MAP3K15: variants seen among roughly 807,000 people sequenced by gnomAD.
MAP3K15 encodes mitogen-activated protein kinase kinase kinase 15.
Under a neutral mutation model 99.5 loss-of-function variants are expected in MAP3K15, and 124 were observed. The ratio of observed to expected loss-of-function variants is 1.25; its 90% CI spans 1.08 to 1.45. The LOEUF is 1.45. MAP3K15 is among the 40% of genes most tolerant of loss of function. MAP3K15 has a pLI of 0.00. For missense variants in MAP3K15, 1,242 were observed against 1,079.7 expected (o/e 1.15, Z -2.11); for synonymous variants, 494 against 439.6 (o/e 1.12, Z -1.55).
chrX:19,374,954 G>A (rs190739172), intron 19 of MAP3K15, among the ~76,000 whole-genome samples: 5 of 111,040 alleles, frequency 4.5e-5, no homozygotes, highest in East Asian at 2.9e-4. Flanking sequence ...TTAAAGCCCC[G>A]AGACCACCAT....
intron 27 of MAP3K15, 23 bp downstream of exon 27, chrX:19,361,470 G>T: frequency 1.7e-6 from 2 of 1,196,830 alleles, no homozygotes; most frequent in Non-Finnish European, 2.3e-6. Context: ...AACAGCATAA[G>T]AATTTCTTTG....
chrX:19,362,230 C>CTT (rs1159241316), intron 26 of MAP3K15, among the ~76,000 whole-genome samples: 2,321 of 75,599 alleles, frequency 0.031, 141 homozygotes, highest in African/African-American at 0.1. Flanking sequence ...CCTTTTGAAT[C>CTT]TTTTTTTTTT....
chrX:19,481,503 A>T (rs1400455264), intron 3 of MAP3K15, among the ~76,000 whole-genome samples: 1 of 111,857 alleles, frequency 8.9e-6, no homozygotes, highest in African/African-American at 3.3e-5. Context: ...CAAAAGCACG[A>T]TCCATAAAAG....
At chrX:19,493,230 A>G (rs1339815931) in intron 1 of MAP3K15, among the ~76,000 whole-genome samples, 1 of 108,920 alleles carries the variant, frequency 9.2e-6, no homozygotes, top group Non-Finnish European at 1.9e-5. Flanking sequence ...ATCAAGTGAC[A>G]TGAAGTCCTC....
intron 3 of MAP3K15, among the ~76,000 whole-genome samples, chrX:19,466,236 A>C (rs1322746480): frequency 2.7e-5 from 3 of 111,883 alleles, no homozygotes; most frequent in African/African-American, 9.8e-5. Flanking sequence ...AGACTAAATT[A>C]AATGCCATTT....
At chrX:19,414,025 G>A in intron 10 of MAP3K15, among the ~76,000 whole-genome samples, 1 of 109,317 alleles carries the variant, frequency 9.1e-6, no homozygotes, top group African/African-American at 3.3e-5. Flanking sequence ...GATGGGTGTG[G>A]TGGTATACAC....
intron 3 of MAP3K15, among the ~76,000 whole-genome samples, 180 bp from the exon 4 acceptor site, chrX:19,464,586 C>A (rs182649385): frequency 3.6e-5 from 4 of 111,341 alleles, no homozygotes; most frequent in Non-Finnish European, 7.5e-5. Flanking sequence ...AAAAGCTCTA[C>A]CACGTAGATA....
At chrX:19,498,287 T>C (rs5955799) in intron 1 of MAP3K15, among the ~76,000 whole-genome samples, 25,260 of 109,940 alleles carry the variant, frequency 0.23, 2,804 homozygotes, top group African/African-American at 0.42. Context: ...GGTATGTTTA[T>C]TGATGGGGGT....
At position 19,392,010 on chromosome X, in the gene MAP3K15, GTC is replaced by G. The variant is rs746435633; in HGVS notation, c.2421_2422del (p.Glu807AspfsTer12). On this transcript the variant is annotated frameshift_variant, in exon 18 of 29. Transcript: ENST00000338883. LOFTEE classifies it high-confidence loss of function. ...AGCTTTGGTCCACTTACCAGTAAAAGTCTCTGTGCAGGGGTTCACACCCGCAA... is the reference window on the plus strand; with the variant it reads ...AGCTTTGGTCCACTTACCAGTAAAAGTCTGTGCAGGGGTTCACACCCGCAA... The G allele has an allele frequency of 4.1e-6, 5 of 1,205,403 alleles. No individual in the cohort carries two copies. Among genetic ancestry groups the G allele is most frequent in the Non-Finnish European group, 4.5e-6 (4 of 889,872 alleles).
At chrX:19,512,642 C>CTTTTT (rs896407684) in intron 1 of MAP3K15, among the ~76,000 whole-genome samples, 50 of 71,215 alleles carry the variant, frequency 7.0e-4, no homozygotes, top group African/African-American at 2.6e-3. Flanking sequence ...CCACATCCTG[C>CTTTTT]TTTTTTTTTT....
intron 13 of MAP3K15, 152 bp downstream of exon 13, chrX:19,407,036 T>C (rs982382600): frequency 7.8e-6 from 3 of 387,077 alleles, no homozygotes; most frequent in African/African-American, 2.7e-5. Context: ...TTACCTGCTA[T>C]GTGAATTACA....
chrX:19,443,239 A>G (rs1437938382), intron 6 of MAP3K15, among the ~76,000 whole-genome samples: 43 of 86,528 alleles, frequency 5.0e-4, no homozygotes, highest in Middle Eastern at 9.6e-3. Flanking sequence ...TACCATGTAG[A>G]CCAGGCTGGT....
intron 3 of MAP3K15, among the ~76,000 whole-genome samples, chrX:19,477,497 C>G (rs1442228531): frequency 1.1e-4 from 12 of 109,974 alleles, no homozygotes; most frequent in Non-Finnish European, 2.1e-4. Context: ...ATCATCTGAG[C>G]TCAGGAGTTC....
intron 7 of MAP3K15, 44 bp downstream of exon 7, chrX:19,431,394 C>A: frequency 8.6e-7 from 1 of 1,161,781 alleles, no homozygotes; most frequent in Non-Finnish European, 1.2e-6. Context: ...CGATTCTGTT[C>A]CTTGAAGAGA....
intron 19 of MAP3K15, among the ~76,000 whole-genome samples, chrX:19,379,915 A>G (rs1054959804): frequency 1.8e-5 from 2 of 111,010 alleles, no homozygotes; most frequent in African/African-American, 3.3e-5. Context: ...GCTCGGCTCT[A>G]TGAAACAGTG....
At chrX:19,476,382 T>A (rs2064243351) in intron 3 of MAP3K15, among the ~76,000 whole-genome samples, 1 of 111,893 alleles carries the variant, frequency 8.9e-6, no homozygotes, top group Non-Finnish European at 1.9e-5. Context: ...AGAAGATTGT[T>A]CCCAGGAAAA....
intron 6 of MAP3K15, among the ~76,000 whole-genome samples, chrX:19,454,516 T>C (rs1250546524): frequency 9.0e-6 from 1 of 111,675 alleles, no homozygotes; most frequent in African/African-American, 3.3e-5. Context: ...GTGGAAGGTA[T>C]CAGGGAAAGC....
intron 25 of MAP3K15, among the ~76,000 whole-genome samples, chrX:19,363,347 C>T (rs2063309291): frequency 8.9e-6 from 1 of 112,209 alleles, no homozygotes; most frequent in Admixed American, 9.4e-5. Flanking sequence ...CTGCTGGCAC[C>T]TCGATCTTGG....
intron 13 of MAP3K15, among the ~76,000 whole-genome samples, chrX:19,403,963 C>T (rs1258608006): frequency 1.8e-5 from 2 of 111,663 alleles, no homozygotes; most frequent in Non-Finnish European, 3.8e-5. Flanking sequence ...AAAACAGGAA[C>T]AAAATAAAGA....
Sources: allele counts gnomAD v4.1 joint callset (sites outside exome capture counted in the v4.1 genomes callset), GRCh38; gene constraint gnomAD v4.1.1; transcripts MANE v1.5; gene names NCBI Gene and HGNC (gene_info 2026-07-23, HGNC 2026-07-21).